Variants in PLPPR4 observed in about 807,000 individuals in gnomAD.
PLPPR4 encodes phospholipid phosphatase related 4.
Under a neutral mutation model 56.6 loss-of-function variants are expected in PLPPR4, and 24 were observed. The observed-to-expected ratio is 0.42, with a 90% CI of 0.31 to 0.60. The LOEUF is 0.60. Ranked by LOEUF, PLPPR4 falls within the 20% of genes least tolerant of loss-of-function variation. PLPPR4 has a pLI of 0.13. For missense variants in PLPPR4, 654 were observed against 885.8 expected (o/e 0.74, Z 3.32); for synonymous variants, 326 against 328.1 (o/e 0.99, Z 0.07).
intron 2 of PLPPR4, among the ~76,000 whole-genome samples, chr1:99,296,123 T>A (rs536189573): frequency 6.6e-6 from 1 of 152,308 alleles, no homozygotes; most frequent in East Asian, 1.9e-4. Flanking sequence ...TGTTTAGATG[T>A]CTATATCTAG....
intron 1 of PLPPR4, among the ~76,000 whole-genome samples, chr1:99,280,774 G>C (rs1306788157): frequency 6.6e-6 from 1 of 152,152 alleles, no homozygotes; most frequent in African/African-American, 2.4e-5. Flanking sequence ...GCAGAGACTA[G>C]AACATGTCTT....
intron 1 of PLPPR4, 36 bp from the exon 2 acceptor site, chr1:99,287,929 T>C (rs1480754071): frequency 1.3e-6 from 2 of 1,545,898 alleles, no homozygotes; most frequent in Admixed American, 1.7e-5. Context: ...GTATATCAGG[T>C]AGAATAAATT....
intron 2 of PLPPR4, among the ~76,000 whole-genome samples, chr1:99,292,577 C>T (rs1167261600): frequency 1.3e-5 from 2 of 152,142 alleles, no homozygotes; most frequent in Non-Finnish European, 2.9e-5. Flanking sequence ...AACTACGGGA[C>T]TATTTACACT....
chr1:99,301,708 T>C lies in PLPPR4; in HGVS notation c.649-16T>C. On this transcript the variant is annotated splice_polypyrimidine_tract_variant and intron_variant, in intron 5 of 6. Coordinates refer to ENST00000370185, the MANE Select transcript of PLPPR4 (RefSeq NM_014839.5). ...GGCCTTTCTAACATACTTAACCCAT[T>C]TCTTCCATTTTTAAGATGTACTTCA... 1 of 1,587,384 alleles carries C rather than the reference T, an allele frequency of 6.3e-7. No individual in the cohort carries two copies.
intron 1 of PLPPR4, among the ~76,000 whole-genome samples, chr1:99,277,641 A>C (rs1000539066): frequency 5.3e-5 from 8 of 152,096 alleles, no homozygotes; most frequent in Non-Finnish European, 8.8e-5. Flanking sequence ...CCATTCTTCT[A>C]CTAAAGCTTC....
At chr1:99,277,886 G>C (rs1339120563) in intron 1 of PLPPR4, among the ~76,000 whole-genome samples, 3 of 151,970 alleles carry the variant, frequency 2.0e-5, no homozygotes. Context: ...AGAAGTTTTA[G>C]TTATGTCACA....
chr1:99,295,193 A>G (rs1476569650), intron 2 of PLPPR4, among the ~76,000 whole-genome samples: 1 of 152,218 alleles, frequency 6.6e-6, no homozygotes. Flanking sequence ...TTATTATGCC[A>G]CATGATTTTC....
rs552246376 is a variant in PLPPR4, at chr1:99,305,174, G to A, written c.823-511G>A. ...CACAAGGCTGTAGTCAGTGCGAGTC[G>A]TAATAACATATGTCTCCGACCTTCT... On this transcript the variant is annotated intron_variant, in intron 6 of 6. Coordinates refer to ENST00000370185, the MANE Select transcript of PLPPR4 (RefSeq NM_014839.5). 4.3e-4 allele frequency among the ~76,000 whole-genome samples: 65 copies of A among 152,150 alleles called. No homozygotes were observed. The South Asian group carries it at 6.2e-3, about 15-fold the overall frequency.
At chr1:99,292,424 A>C (rs1659645292) in intron 2 of PLPPR4, among the ~76,000 whole-genome samples, 1 of 152,170 alleles carries the variant, frequency 6.6e-6, no homozygotes, top group Non-Finnish European at 1.5e-5. Flanking sequence ...TGAGAAATAA[A>C]AGGGAAAATA....
At position 99,306,010 on chromosome 1, in the gene PLPPR4, G is replaced by C; in HGVS notation, c.1148G>C (p.Arg383Thr). The change falls in exon 7 of 7, where the codon AGA becomes ACA. Residue 383 changes from arginine (R) to threonine (T), a missense_variant. Coordinates refer to ENST00000370185, the MANE Select transcript of PLPPR4 (RefSeq NM_014839.5). The surrounding 1 kb of genome is among the most constrained non-coding windows in gnomAD (Gnocchi z 4.0). ...CCATCTGTAGAAGACCCTGTCAGAA[G>C]AAATGCGAGCATTCATGCCTCTATG... ...NTPSVEDPVR[R>T]NASIHASMDS... is the part of the protein sequence containing the mutation. 6.2e-7 allele frequency: 1 copy of C among 1,614,204 alleles called. No homozygotes were observed. Among genetic ancestry groups the C allele is most frequent in the Non-Finnish European group, 8.5e-7 (1 of 1,180,040 alleles).
In PLPPR4 at chr1:99,299,227, G is replaced by C; in HGVS notation, c.587G>C (p.Gly196Ala). Residue 196 changes from glycine (G) to alanine (A), a missense_variant, in exon 4 of 7, where the codon GGC becomes GCC. Gly to Ala is a moderately conservative substitution (Grantham distance 60). This residue lies in a region of PLPPR4 where 186 missense variants were observed against 331.4 expected (regional missense o/e 0.56). Coordinates refer to ENST00000370185, the MANE Select transcript of PLPPR4 (RefSeq NM_014839.5). ...TCTGACCTCACAGTTATCAACAGTG[G>C]CAGGTTAGAAACAGATCTAAAAACA... Reference protein sequence around the residue: ...SGSDLTVINSGRKSFPSQHAT... With the variant: ...SGSDLTVINSARKSFPSQHAT... The C allele has an allele frequency of 6.2e-7, 1 of 1,609,786 alleles. No homozygotes were observed. Among genetic ancestry groups the C allele is most frequent in the Non-Finnish European group, 8.5e-7 (1 of 1,176,690 alleles).
At chr1:99,300,727 G>A (rs1659866491) in intron 4 of PLPPR4, among the ~76,000 whole-genome samples, 182 bp from the exon 5 acceptor site, 2 of 151,986 alleles carry the variant, frequency 1.3e-5, no homozygotes, top group Admixed American at 1.3e-4. Context: ...AATATTAATG[G>A]TGATTAGCAG....
At chr1:99,276,484 A>G (rs1377230481) in intron 1 of PLPPR4, among the ~76,000 whole-genome samples, 1 of 152,132 alleles carries the variant, frequency 6.6e-6, no homozygotes, top group African/African-American at 2.4e-5. Flanking sequence ...TAATTTAGAA[A>G]CACTGATGGT....
chr1:99,292,497 T>C (rs915136011), intron 2 of PLPPR4, among the ~76,000 whole-genome samples: 2 of 152,170 alleles, frequency 1.3e-5, no homozygotes, highest in Non-Finnish European at 2.9e-5. Context: ...TCCAGAAAGG[T>C]GCCACTCAAT....
At chr1:99,281,556 T>C (rs1659325951) in intron 1 of PLPPR4, among the ~76,000 whole-genome samples, 1 of 152,150 alleles carries the variant, frequency 6.6e-6, no homozygotes, top group South Asian at 2.1e-4. Flanking sequence ...ATTATTATTA[T>C]CAATATTTGA....
At chr1:99,286,711 A>C (rs1368095340) in intron 1 of PLPPR4, among the ~76,000 whole-genome samples, 1 of 152,192 alleles carries the variant, frequency 6.6e-6, no homozygotes, top group Admixed American at 6.6e-5. Flanking sequence ...AATGAATTCG[A>C]ATATTACAGG....
intron 1 of PLPPR4, among the ~76,000 whole-genome samples, chr1:99,284,145 A>G (rs559263024): frequency 2.0e-5 from 3 of 152,322 alleles, no homozygotes; most frequent in Admixed American, 1.3e-4. Context: ...TATCAATTCT[A>G]TATGTATGCC....
At chr1:99,288,492 T>C (rs1016287379) in intron 2 of PLPPR4, among the ~76,000 whole-genome samples, 1 of 152,106 alleles carries the variant, frequency 6.6e-6, no homozygotes, top group Non-Finnish European at 1.5e-5. Context: ...TTATTTAGTA[T>C]CTGAAGCCTG....
intron 2 of PLPPR4, among the ~76,000 whole-genome samples, chr1:99,293,802 T>C (rs1659677858): frequency 6.6e-6 from 1 of 152,310 alleles, no homozygotes; most frequent in East Asian, 1.9e-4. Context: ...GAAAGACTTT[T>C]TGGACTGTGA....
Sources: gnomAD v4.1 joint callset for allele counts (sites outside exome capture counted in the v4.1 genomes callset) on GRCh38, gnomAD v4.1.1 for gene constraint, gnomAD v4.1.1 regional missense constraint, Gnocchi (gnomAD v3.1) non-coding constraint, MANE v1.5 for transcripts, NCBI Gene and HGNC (gene_info 2026-07-23, HGNC 2026-07-21) for gene names.